The following AMMECR1 variants were observed in gnomAD, a reference collection of about 807,000 sequenced individuals.
AMMECR1 encodes the protein AMMECR nuclear protein 1, also known as nuclear protein AMMECR1.
A neutral mutation model predicts 22.5 loss-of-function variants in AMMECR1; 3 were observed. That is an observed-to-expected ratio of 0.13 (90% CI 0.06 to 0.35). The LOEUF (loss-of-function observed/expected upper bound fraction) is 0.35. Among genes scored for constraint, AMMECR1 ranks in the 10% least tolerant of loss-of-function variants. The probability of loss-of-function intolerance (pLI) is 1.00; values close to 1 mark genes in which losing one functional copy is unlikely to be tolerated. For synonymous variants in AMMECR1, 130 were observed against 116.7 expected (o/e 1.11, Z -0.74); for missense variants, 235 against 278.7 (o/e 0.84, Z 1.12).
intron 2 of AMMECR1, among the ~76,000 whole-genome samples, chrX:110,421,287 T>C (rs2068715395): frequency 8.9e-6 from 1 of 112,743 alleles, no homozygotes; most frequent in South Asian, 3.7e-4. Flanking sequence ...GAGAGATGCT[T>C]GCTTTTCATA....
intron 2 of AMMECR1, among the ~76,000 whole-genome samples, chrX:110,406,634 G>T (rs746576856): frequency 4.5e-5 from 5 of 111,888 alleles, no homozygotes; most frequent in African/African-American, 1.6e-4. Context: ...TAATGGGATC[G>T]CTGGGTCAAA....
At chrX:110,276,480 C>T (rs2067827052) in intron 1 of AMMECR1, among the ~76,000 whole-genome samples, 1 of 111,966 alleles carries the variant, frequency 8.9e-6, no homozygotes, top group Admixed American at 9.5e-5. Context: ...AATTTGCTGT[C>T]CTCTCTTCAA....
At chrX:110,301,493 G>C (rs768736712) in intron 1 of AMMECR1, among the ~76,000 whole-genome samples, 1 of 112,140 alleles carries the variant, frequency 8.9e-6, no homozygotes, top group African/African-American at 3.2e-5. Context: ...AGACAAGCCT[G>C]GTGAATGGGG....
At chrX:110,365,537 C>T (rs1263026525) in intron 2 of AMMECR1, among the ~76,000 whole-genome samples, 1 of 111,711 alleles carries the variant, frequency 9.0e-6, no homozygotes, top group Non-Finnish European at 1.9e-5. Context: ...TCTCCTGAGA[C>T]AATTTACATA....
At chrX:110,321,261 C>G (rs1473658907), upstream of AMMECR1, among the ~76,000 whole-genome samples, 1 of 110,854 alleles carries the variant, frequency 9.0e-6, no homozygotes, top group Non-Finnish European at 1.9e-5. Flanking sequence ...ACTGCTGATA[C>G]TGGACTGCAG....
intron 1 of AMMECR1, among the ~76,000 whole-genome samples, chrX:110,433,311 A>G (rs1307623710): frequency 2.7e-5 from 3 of 111,768 alleles, no homozygotes; most frequent in African/African-American, 9.8e-5. Flanking sequence ...TGGGGAAACA[A>G]CTCTTAGATA....
In AMMECR1 at chrX:110,347,606, G is replaced by A. The variant is rs139955344; in HGVS notation, c.-147-29757C>T. Among the ~76,000 whole-genome samples, 667 of 112,884 alleles carry A rather than the reference G, an allele frequency of 5.9e-3. 1 individual carries two copies. The highest frequency in any genetic ancestry group is 0.028 in the Middle Eastern group (6 of 216). On this transcript the variant is annotated intron_variant, in intron 2 of 7. Coordinates refer to the AMMECR1 transcript ENST00000372057. The stretch of plus-strand genomic sequence containing the variant: ...TTATTATCTGTATTTGGCAGGCTTA[G>A]ACATATTGCTGTCTTTTGGAGAAAA...
At chrX:110,374,872 GGC>G (rs1368320775) in intron 2 of AMMECR1, among the ~76,000 whole-genome samples, 4 of 110,848 alleles carry the variant, frequency 3.6e-5, no homozygotes, top group Non-Finnish European at 7.6e-5. Context: ...GATTATGGAG[GGC>G]CTAAGAAGCC....
chrX:110,232,889 C>CAAAAAAAAAAAA (rs775605567), intron 2 of AMMECR1, among the ~76,000 whole-genome samples: 1 of 11,916 alleles, frequency 8.4e-5, no homozygotes. Context: ...GACTCAGTCT[C>CAAAAAAAAAAAA]AAAAAAAAAA....
At chrX:110,392,293 T>C (rs1328952782) in intron 2 of AMMECR1, among the ~76,000 whole-genome samples, 1 of 105,310 alleles carries the variant, frequency 9.5e-6, no homozygotes, top group African/African-American at 3.5e-5. Context: ...TTTTTTTTTT[T>C]TGAGACAAGG....
At chrX:110,400,009 T>C (rs1303654431) in intron 2 of AMMECR1, among the ~76,000 whole-genome samples, 2 of 110,716 alleles carry the variant, frequency 1.8e-5, no homozygotes, top group Non-Finnish European at 1.9e-5. Flanking sequence ...GACTTCATTA[T>C]AGCAATTCAA....
chrX:110,332,975 G>A (rs374481867), intron 2 of AMMECR1, among the ~76,000 whole-genome samples: 318 of 111,939 alleles, frequency 2.8e-3, no homozygotes, highest in African/African-American at 9.7e-3. Context: ...ATACTAGTCC[G>A]TGAGGATGCC....
At chrX:110,297,688 T>C (rs887212181) in intron 1 of AMMECR1, among the ~76,000 whole-genome samples, 6 of 112,042 alleles carry the variant, frequency 5.4e-5, no homozygotes, top group African/African-American at 1.9e-4. Flanking sequence ...TTAACAATTG[T>C]TGCCAGACAT....
intron 2 of AMMECR1, among the ~76,000 whole-genome samples, chrX:110,219,764 T>C (rs1169341758): frequency 1.8e-5 from 2 of 112,247 alleles, no homozygotes; most frequent in Non-Finnish European, 3.8e-5. Context: ...TTAGTCATGA[T>C]GGGAATAGTC....
At chrX:110,401,985 C>T (rs920397477) in intron 2 of AMMECR1, among the ~76,000 whole-genome samples, 2 of 112,248 alleles carry the variant, frequency 1.8e-5, no homozygotes, top group Middle Eastern at 4.6e-3. Context: ...CTCTTCTCAC[C>T]AACAAGTCTC....
At chrX:110,212,741 G>T (rs192749689) in intron 3 of AMMECR1, among the ~76,000 whole-genome samples, 7 of 111,561 alleles carry the variant, frequency 6.3e-5, no homozygotes, top group African/African-American at 2.3e-4. Flanking sequence ...TCTCAAAAAG[G>T]AAATTCAAAA....
intron 2 of AMMECR1, among the ~76,000 whole-genome samples, chrX:110,375,781 T>C (rs931139173): frequency 1.7e-4 from 19 of 112,155 alleles, no homozygotes; most frequent in African/African-American, 5.8e-4. Flanking sequence ...GCTAATGATT[T>C]CAAGTTTTCT....
Position 110,375,782 on chromosome X carries a change from CAAGTTTTCTTAGCATGGA to C in AMMECR1, c.-148+50858_-148+50875del, listed in dbSNP as rs200349642. 1.5e-4 allele frequency among the ~76,000 whole-genome samples: 17 copies of C among 111,779 alleles called. No homozygotes were observed. In the East Asian group the frequency reaches 4.4e-3, roughly 29 times the overall value. On this transcript the variant is annotated intron_variant, in intron 2 of 7. Coordinates refer to the AMMECR1 transcript ENST00000372057. ...GAAATCATAAGTGGGCTAATGATTT[CAAGTTTTCTTAGCATGGA>C]AAGTAAGAAGAAAAGGAAAAGTATA...
intron 2 of AMMECR1, among the ~76,000 whole-genome samples, chrX:110,405,287 A>G (rs2148301264): frequency 8.9e-6 from 1 of 111,985 alleles, no homozygotes; most frequent in South Asian, 3.8e-4. Flanking sequence ...GCTTGTAAAG[A>G]GGGGAACATT....
Sources: allele counts gnomAD v4.1 joint callset (sites outside exome capture counted in the v4.1 genomes callset), GRCh38; gene constraint gnomAD v4.1.1; transcripts MANE v1.5; gene names NCBI Gene and HGNC (gene_info 2026-07-23, HGNC 2026-07-21).